DNAJC14: variants seen among roughly 807,000 people sequenced by gnomAD.
The protein encoded by DNAJC14 is DnaJ heat shock protein family (Hsp40) member C14.
DNAJC14 carries 12 observed loss-of-function variants against 68.8 expected under a neutral mutation model. That is an observed-to-expected ratio of 0.17 (90% CI 0.11 to 0.28). The LOEUF (loss-of-function observed/expected upper bound fraction) is 0.28. DNAJC14 is among the 10% of genes least tolerant of loss of function. The pLI is 1.00. For missense variants in DNAJC14, 764 were observed against 875.6 expected (o/e 0.87, Z 1.61); for synonymous variants, 350 against 321.5 (o/e 1.09, Z -0.95).
At position 55,828,367 on chromosome 12, in the gene DNAJC14, C is replaced by G; in HGVS notation, c.292G>C (p.Glu98Gln). Reference protein sequence around the residue: ...EDPDQSETSSEEESGVDQELS... With the variant: ...EDPDQSETSSQEESGVDQELS... ...TCCTGGTCCACTCCTGATTCTTCTT[C>G]TGAAGACGTCTCACTCTGATCAGGG... Residue 98 changes from glutamate (E) to glutamine (Q), a missense_variant, in exon 2 of 7, where the codon GAA (glutamate) becomes CAA (glutamine). Transcript: ENST00000678005. 1 of 1,614,124 alleles carries G rather than the reference C, an allele frequency of 6.2e-7. No individual in the cohort carries two copies. The highest frequency in any genetic ancestry group is 1.7e-5 in the Admixed American group (1 of 60,004).
chr12:55,821,289 T>C lies in DNAJC14; in HGVS notation c.*688A>G, dbSNP rs1346180196. ...TGCGATAATCTCCTATCATTAGGGCTACATGCTTTCTTGTTCTCTTTTAAA... is the reference window on the plus strand; with the variant it reads ...TGCGATAATCTCCTATCATTAGGGCCACATGCTTTCTTGTTCTCTTTTAAA... On this transcript the variant is annotated 3_prime_UTR_variant, in exon 7 of 7. Transcript: ENST00000678005. 2.9e-5 allele frequency: 3 copies of C among 103,486 alleles called. No homozygotes were observed. Among genetic ancestry groups the C allele is most frequent in the Admixed American group, 2.3e-4 (2 of 8,798 alleles). The allele number at this position is 103,486 out of a possible 1,614,324, so 6.4% of individuals were successfully genotyped here. A position where few individuals can be genotyped will look rare whatever the true frequency, so the allele number is the denominator to read the frequency against.
At chr12:55,823,995 T>G (rs970933102) in intron 2 of DNAJC14, among the ~76,000 whole-genome samples, 2 of 151,642 alleles carry the variant, frequency 1.3e-5, no homozygotes, top group African/African-American at 4.8e-5. Flanking sequence ...TGTGCCATCA[T>G]GAATATCTAT....
intron 2 of DNAJC14, 43 bp downstream of exon 2, chr12:55,827,206 AAAT>A: frequency 2.2e-6 from 3 of 1,388,800 alleles, no homozygotes; most frequent in South Asian, 2.1e-5. Context: ...AAAAAAAAAA[AAAT>A]ATGGGAACAA....
rs1880868854 is a variant in DNAJC14 at position 55,828,500 on chromosome 12, G to T, written c.159C>A (p.Leu53=). The change falls in exon 2 of 7, where the codon CTC becomes CTA. Residue 53 remains leucine (L), a synonymous_variant. Transcript: ENST00000678005. ...AGTAPNGTRC[L]TEHSGPKHTQ... is the part of the protein sequence containing the mutation. ...TGTGCTTAGGACCAGAGTGCTCTGT[G>T]AGGCAGCGGGTACCATTAGGAGCAG... 3.7e-6 allele frequency: 6 copies of T among 1,614,186 alleles called. No individual in the cohort carries two copies. Among genetic ancestry groups the T allele is most frequent in the Non-Finnish European group, 5.1e-6 (6 of 1,180,036 alleles).
At position 55,829,549 on chromosome 12, in the gene DNAJC14, G is replaced by C. The variant is rs1295730464; in HGVS notation, c.-117C>G. Reference sequence around the variant, plus strand: ...CCGGCCTGGGGCCAGGGTGAGCTACGAGAGCCGCTCTCCCGGCTCCGCCTC... The same window carrying C: ...CCGGCCTGGGGCCAGGGTGAGCTACCAGAGCCGCTCTCCCGGCTCCGCCTC... On this transcript the variant is annotated 5_prime_UTR_variant, in exon 1 of 7. Coordinates refer to ENST00000678005, the MANE Select transcript of DNAJC14 (RefSeq NM_032364.6). 6.1e-6 allele frequency: 6 copies of C among 984,680 alleles called. No individual in the cohort carries two copies. The highest frequency in any genetic ancestry group is 4.7e-5 in the South Asian group (1 of 21,286). The allele number at this position is 984,680 out of a possible 1,614,324, so 61.0% of individuals were successfully genotyped here.
chr12:55,828,578 G>A lies in DNAJC14; in HGVS notation c.81C>T (p.Pro27=). The A allele has an allele frequency of 5.6e-6, 9 of 1,614,130 alleles. No individual in the cohort carries two copies. Among genetic ancestry groups the A allele is most frequent in the Non-Finnish European group, 7.6e-6 (9 of 1,180,026 alleles). The part of the protein sequence containing the change: ...SGGASLRTLG[P]SVDPEIPSFS... ...ATGAAGGTATTTCAGGGTCCACGGA[G>A]GGTCCTAAAGTCCTGAGGGAGGCAC... Residue 27 remains proline, a synonymous_variant, in exon 2 of 7, where the codon CCC becomes CCT. Coordinates refer to ENST00000678005, the MANE Select transcript of DNAJC14 (RefSeq NM_032364.6).
At position 55,822,105 on chromosome 12, in the gene DNAJC14, C is replaced by T. The variant is rs1019569908; in HGVS notation, c.1981G>A (p.Gly661Arg). 1.2e-6 allele frequency: 2 copies of T among 1,613,694 alleles called. No individual in the cohort carries two copies. The highest frequency in any genetic ancestry group is 1.3e-5 in the African/African-American group (1 of 74,880). The change falls in exon 7 of 7, where the codon GGG (glycine) becomes AGG (arginine). Residue 661 changes from glycine (G) to arginine (R), a missense_variant. Around this residue, in one of 4 missense-constraint regions of DNAJC14, gnomAD observed 134 missense variants for 162.3 expected, o/e 0.83. Transcript: ENST00000678005. ...FQVPPGQMPN[G>R]NFFAAPQPAP... ...GGCTGAGGAGCTGCAAAGAAGTTCC[C>T]ATTGGGCATCTGCCCTGGGGGTACT...
Position 55,821,118 on chromosome 12 carries a change from C to A in DNAJC14, c.*859G>T, listed in dbSNP as rs1880653374. ...GGCTTCTGGGAACCCCCGTATTCTTCCCCCTCACCCAAGGGCAGTGGGCAT... is the reference window on the plus strand; with the variant it reads ...GGCTTCTGGGAACCCCCGTATTCTTACCCCTCACCCAAGGGCAGTGGGCAT... On this transcript the variant is annotated 3_prime_UTR_variant, in exon 7 of 7. Coordinates refer to ENST00000678005, the MANE Select transcript of DNAJC14 (RefSeq NM_032364.6). 1 of 152,596 alleles carries A rather than the reference C, an allele frequency of 6.6e-6. No individual in the cohort carries two copies. The highest frequency in any genetic ancestry group is 2.1e-4 in the South Asian group (1 of 4,830). 9.5% of individuals were successfully genotyped at this position (152,596 alleles called of 1,614,324 possible). A position where few individuals can be genotyped will look rare whatever the true frequency, so the allele number is the denominator to read the frequency against.
At chr12:55,822,951 T>G (rs1880708101) in intron 4 of DNAJC14, 119 bp downstream of exon 4, 1 of 1,504,356 alleles carries the variant, frequency 6.6e-7, no homozygotes, top group African/African-American at 1.4e-5. Flanking sequence ...AACTTAAGGG[T>G]CTTTTTACTA....
rs1347468159 is a variant in DNAJC14, at chr12:55,827,924, A to T, written c.735T>A (p.Cys245Ter). The change falls in exon 2 of 7, where the codon TGT becomes TGA. Residue 245 changes from cysteine (C) to a stop codon, truncating the protein, a stop_gained. Transcript: ENST00000678005. LOFTEE classifies it high-confidence loss of function. ...GLGLWGAEEL[C>*]QLGQAGFWWL... ...ACCAAAAGCCTGCCTGTCCAAGTTGACATAGTTCCTCGGCTCCCCACAATC... is the reference window on the plus strand; with the variant it reads ...ACCAAAAGCCTGCCTGTCCAAGTTGTCATAGTTCCTCGGCTCCCCACAATC... 6.2e-7 allele frequency: 1 copy of T among 1,606,698 alleles called. No individual in the cohort carries two copies. The highest frequency in any genetic ancestry group is 8.5e-7 in the Non-Finnish European group (1 of 1,174,950).
Position 55,827,984 on chromosome 12 carries a change from C to T in DNAJC14, c.675G>A (p.Arg225=). 1 of 1,613,098 alleles carries T rather than the reference C, an allele frequency of 6.2e-7. No individual in the cohort carries two copies. Residue 225 remains arginine, a synonymous_variant, in exon 2 of 7, where the codon CGG becomes CGA. Transcript: ENST00000678005. Reference sequence around the variant, plus strand: ...TGCGCTTATCTGCCTGACTTCGTTTCCGACCCAGCCGATGTCGACCAGGGG... The same window carrying T: ...TGCGCTTATCTGCCTGACTTCGTTTTCGACCCAGCCGATGTCGACCAGGGG... The part of the protein sequence containing the change: ...PRSPGRHRLG[R]KRSQADKRKG...
In DNAJC14 at chr12:55,822,618, C is replaced by T; in HGVS notation, c.1749G>A (p.Lys583=). Residue 583 remains lysine (K), a synonymous_variant, in exon 5 of 7, where the codon AAG becomes AAA. Coordinates refer to ENST00000678005, the MANE Select transcript of DNAJC14 (RefSeq NM_032364.6). ...FWAESSMLGL[K]ITYFALMDGK... is the part of the protein sequence containing the mutation. ...CATCCATCAGTGCAAAGTAGGTGAT[C>T]TTGAGGCCCAACATGCTTGACTCTG... 1 of 1,614,212 alleles carries T rather than the reference C, an allele frequency of 6.2e-7. No individual in the cohort carries two copies. Among genetic ancestry groups the T allele is most frequent in the Non-Finnish European group, 8.5e-7 (1 of 1,180,040 alleles).
chr12:55,828,009 G>A lies in DNAJC14; in HGVS notation c.650C>T (p.Ser217Phe). ...CCGACCCAGCCGATGTCGACCAGGG[G>A]ACCTGGGATCCCTACGTCCACCCTC... ...TREGGRRDPR[S>F]PGRHRLGRKR... Residue 217 changes from serine to phenylalanine, a missense_variant, in exon 2 of 7, where the codon TCC (serine) becomes TTC (phenylalanine). Ser to Phe is a radical substitution (Grantham distance 155). This residue lies in a region of DNAJC14 where 514 missense variants were observed against 521.7 expected (regional missense o/e 0.99). Transcript: ENST00000678005. The A allele has an allele frequency of 2.5e-6, 4 of 1,613,478 alleles. No homozygotes were observed. The highest frequency in any genetic ancestry group is 3.4e-6 in the Non-Finnish European group (4 of 1,179,938).
intron 2 of DNAJC14, among the ~76,000 whole-genome samples, chr12:55,826,577 G>A (rs1011138643): frequency 1.3e-4 from 20 of 152,018 alleles, no homozygotes; most frequent in African/African-American, 2.9e-4. Context: ...TGAGGCGAGC[G>A]GATCATGAGG....
Position 55,827,546 on chromosome 12 carries a change from A to C in DNAJC14, c.1113T>G (p.Ser371=). Residue 371 remains serine, a synonymous_variant, in exon 2 of 7, where the codon TCT becomes TCG. Coordinates refer to ENST00000678005, the MANE Select transcript of DNAJC14 (RefSeq NM_032364.6). ...KATWLFSWLD[S]PALQRCLTLL... ...GAGTCAAGCAACGCTGCAAGGCTGG[A>C]GAATCCAGCCAAGAGAAGAGCCAGG... is the stretch of plus-strand genomic sequence containing the variant. 6.2e-7 allele frequency: 1 copy of C among 1,606,292 alleles called. No individual in the cohort carries two copies. The highest frequency in any genetic ancestry group is 8.5e-7 in the Non-Finnish European group (1 of 1,173,432).
In DNAJC14 at chr12:55,828,005, A is replaced by G. The variant is rs1367207944; in HGVS notation, c.654T>C (p.Pro218=). The G allele has an allele frequency of 1.9e-6, 3 of 1,613,528 alleles. No homozygotes were observed. Among genetic ancestry groups the G allele is most frequent in the Non-Finnish European group, 2.5e-6 (3 of 1,179,918 alleles). ...GTTTCCGACCCAGCCGATGTCGACC[A>G]GGGGACCTGGGATCCCTACGTCCAC... ...REGGRRDPRS[P]GRHRLGRKRS... is the part of the protein sequence containing the mutation. The change falls in exon 2 of 7, where the codon CCT becomes CCC. Residue 218 remains proline (P), a synonymous_variant. Transcript: ENST00000678005.
At position 55,828,094 on chromosome 12, in the gene DNAJC14, C is replaced by T. The variant is rs779203840; in HGVS notation, c.565G>A (p.Gly189Arg). ...FPSDFSRVSS[G>R]KKPPSRRQRH... ...TGTCTCCGGGATGGGGGTTTCTTTC[C>T]GCTGGACACACGTGAAAAATCACTG... Residue 189 changes from glycine (G) to arginine (R), a missense_variant, in exon 2 of 7, where the codon GGA becomes AGA. Physicochemically the swap from Gly to Arg is moderately radical, Grantham distance 125. Around this residue, in one of 4 missense-constraint regions of DNAJC14, gnomAD observed 514 missense variants for 521.7 expected, o/e 0.99. Coordinates refer to ENST00000678005, the MANE Select transcript of DNAJC14 (RefSeq NM_032364.6). The T allele has an allele frequency of 7.5e-6, 12 of 1,602,330 alleles. No homozygotes were observed. The highest frequency in any genetic ancestry group is 1.0e-5 in the Non-Finnish European group (12 of 1,174,736).
rs911223549 is a variant in DNAJC14 at position 55,829,562 on chromosome 12, C to A, written c.-130G>T. On this transcript the variant is annotated 5_prime_UTR_variant, in exon 1 of 7. Transcript: ENST00000678005. ...AGGGTGAGCTACGAGAGCCGCTCTC[C>A]CGGCTCCGCCTCCCGCTCACGCTCT... is the stretch of plus-strand genomic sequence containing the variant. 1 of 985,498 alleles carries A rather than the reference C, an allele frequency of 1.0e-6. No homozygotes were observed. The highest frequency in any genetic ancestry group is 1.2e-6 in the Non-Finnish European group (1 of 829,962). 61.0% of individuals were successfully genotyped at this position (985,498 alleles called of 1,614,324 possible). A position where few individuals can be genotyped will look rare whatever the true frequency, so the allele number is the denominator to read the frequency against.
intron 6 of DNAJC14, 85 bp downstream of exon 6, chr12:55,822,288 C>T (rs947385237): frequency 1.3e-6 from 2 of 1,547,604 alleles, no homozygotes; most frequent in Non-Finnish European, 8.8e-7. Context: ...AAAACAAGGC[C>T]CCTGGGTGTC....
Sources: allele counts gnomAD v4.1 joint callset (sites outside exome capture counted in the v4.1 genomes callset), GRCh38; gene constraint gnomAD v4.1.1; regional missense constraint gnomAD v4.1.1; transcripts MANE v1.5; gene names NCBI Gene and HGNC (gene_info 2026-07-23, HGNC 2026-07-21).